The following NOTCH2 variants were observed in gnomAD, a reference collection of about 807,000 sequenced individuals.
NOTCH2 encodes the protein notch receptor 2.
NOTCH2 carries 29 observed loss-of-function variants against 235.8 expected under a neutral mutation model. The ratio of observed to expected loss-of-function variants is 0.12; its 90% confidence interval spans 0.09 to 0.17. The LOEUF is 0.17. Among genes scored for constraint, NOTCH2 ranks in the 10% least tolerant of loss-of-function variants. The pLI, the probability that NOTCH2 is intolerant of heterozygous loss-of-function variation, is 1.00. For missense variants in NOTCH2, 2,285 were observed against 3,150.2 expected, an observed-to-expected ratio of 0.73 and a Z score of 6.57; for synonymous variants, 1,086 against 1,141.5, an observed-to-expected ratio of 0.95 and a Z score of 0.98.
chr1:119,935,308 G>A, intron 22 of NOTCH2, 164 bp downstream of exon 22: 1 of 1,571,898 alleles, frequency 6.4e-7, no homozygotes, highest in Admixed American at 1.7e-5. Flanking sequence ...GCTAGCAAGA[G>A]ATGGGAGAAT....
chr1:119,920,192 A>C (rs776529670), intron 30 of NOTCH2, 37 bp downstream of exon 30: 1 of 1,609,864 alleles, frequency 6.2e-7, no homozygotes. Flanking sequence ...ATGGGCAGAC[A>C]CAGCCCAGTG....
chr1:119,913,086 C>T lies in NOTCH2; in HGVS notation c.*2220G>A. On this transcript the variant is annotated 3_prime_UTR_variant, in exon 34 of 34. Transcript: ENST00000256646. Reference sequence around the variant, plus strand: ...AGGTACGCTGTGGTCCACAGAGGTCCATGCAGATAGGTTCTCCCCATCTGT... The same window carrying T: ...AGGTACGCTGTGGTCCACAGAGGTCTATGCAGATAGGTTCTCCCCATCTGT... The T allele has an allele frequency of 4.3e-6, 1 of 233,316 alleles. No individual in the cohort carries two copies. The highest frequency in any genetic ancestry group is 8.5e-6 in the Non-Finnish European group (1 of 118,084). The allele number at this position is 233,316 out of a possible 1,614,324, so 14.5% of individuals were successfully genotyped here.
In NOTCH2 at chr1:120,048,445, CTTT is replaced by C. The variant is rs782527466; in HGVS notation, c.74-18461_74-18459del. The stretch of plus-strand genomic sequence containing the variant: ...TGGCAATTAGACAGGCCCAATACCA[CTTT>C]TTTTTTTTTTTTTTTTTGGAGACAG... On this transcript the variant is annotated intron_variant, in intron 1 of 33. Transcript: ENST00000256646. Among the ~76,000 whole-genome samples, 12 of 100,400 alleles carry C rather than the reference CTTT, an allele frequency of 1.2e-4. 1 individual carries two copies. Among genetic ancestry groups the C allele is most frequent in the African/African-American group, 4.7e-4 (7 of 14,740 alleles). The allele number at this position is 100,400 out of a possible 152,430, so 65.9% of individuals were successfully genotyped here. A position where few individuals can be genotyped will look rare whatever the true frequency, so the allele number is the denominator to read the frequency against.
chr1:120,069,389 G>A lies in NOTCH2; in HGVS notation c.18C>T (p.Pro6=), dbSNP rs1553217940. The A allele has an allele frequency of 1.3e-6, 2 of 1,553,948 alleles. No homozygotes were observed. The highest frequency in any genetic ancestry group is 1.4e-5 in the African/African-American group (1 of 72,764). MPALR[P]ALLWALLALW... ...GCGCCAGCAGCGCCCACAGCAGAGC[G>A]GGGCGCAGGGCGGGCATCTTCTCGG... Residue 6 remains proline, a synonymous_variant, in exon 1 of 34, where the codon CCC becomes CCT. Transcript: ENST00000256646.
rs1363898650 is a variant in NOTCH2, at chr1:119,967,358, T to C, written c.1453+75A>G. 4.7e-6 allele frequency: 6 copies of C among 1,283,224 alleles called. No homozygotes were observed. The Admixed American group carries it at 8.4e-5, about 18-fold the overall frequency. 79.5% of individuals were successfully genotyped at this position (1,283,224 alleles called of 1,614,324 possible). On this transcript the variant is annotated intron_variant, in intron 8 of 33. Coordinates refer to ENST00000256646, the MANE Select transcript of NOTCH2 (RefSeq NM_024408.4). ...CAGAGCTCATCAGACTGCAATAGTATACTGAATGCTCTACCAAGAGAAGTT... is the reference window on the plus strand; with the variant it reads ...CAGAGCTCATCAGACTGCAATAGTACACTGAATGCTCTACCAAGAGAAGTT...
chr1:119,930,043 T>G (rs769845747), intron 22 of NOTCH2, among the ~76,000 whole-genome samples: 91 of 152,360 alleles, frequency 6.0e-4, no homozygotes, highest in Non-Finnish European at 1.1e-3. Context: ...AGGTGCAGGT[T>G]TGGAGCCTAG....
chr1:119,937,324 G>A lies in NOTCH2; in HGVS notation c.3480C>T (p.His1160=), dbSNP rs781935782. 5.6e-6 allele frequency: 9 copies of A among 1,613,976 alleles called. No homozygotes were observed. Among genetic ancestry groups the A allele is most frequent in the South Asian group, 3.3e-5 (3 of 91,070 alleles). Residue 1160 remains histidine, a synonymous_variant, in exon 21 of 34, where the codon CAC becomes CAT. Coordinates refer to ENST00000256646, the MANE Select transcript of NOTCH2 (RefSeq NM_024408.4). ...CAATGAAGTCACTGCATGTTGCCCC[G>A]TGCTGGCAGGGGTTGGACGCACACT... ...LDECASNPCQ[H]GATCSDFIGG... is the part of the protein sequence containing the mutation.
rs1649570312 is a variant in NOTCH2 at position 119,929,192 on chromosome 1, T to C, written c.3676A>G (p.Ile1226Val). The C allele has an allele frequency of 6.2e-7, 1 of 1,613,998 alleles. No homozygotes were observed. Among genetic ancestry groups the C allele is most frequent in the Non-Finnish European group, 8.5e-7 (1 of 1,179,932 alleles). ...GTRGLLCEEN[I>V]DDCARGPHCL... ...TGGGGACCCCGGGCACAGTCATCAA[T>C]GTTCTCTTCACAGAGTAGGCCTGGA... Residue 1226 changes from isoleucine (I) to valine (V), a missense_variant, in exon 23 of 34, where the codon ATT becomes GTT. By Grantham distance (29) the Ile-to-Val change is conservative (BLOSUM62 3). This residue lies in a region of NOTCH2 where 1,173 missense variants were observed against 1,515.3 expected (regional missense o/e 0.77). Transcript: ENST00000256646.
Position 119,914,919 on chromosome 1 carries a change from C to G in NOTCH2, c.*387G>C. 2.6e-6 allele frequency: 1 copy of G among 380,996 alleles called. No individual in the cohort carries two copies. The highest frequency in any genetic ancestry group is 4.9e-6 in the Non-Finnish European group (1 of 205,564). The allele number at this position is 380,996 out of a possible 1,614,324, so 23.6% of individuals were successfully genotyped here. On this transcript the variant is annotated 3_prime_UTR_variant, in exon 34 of 34. Transcript: ENST00000256646. The stretch of plus-strand genomic sequence containing the variant: ...CAGAATTCCAGGGCATAATTCCCAA[C>G]AGGACGCTAGTGTAGAATCTTCTCA...
At position 120,058,670 on chromosome 1, in the gene NOTCH2, A is replaced by C. The variant is rs370645663; in HGVS notation, c.73+10664T>G. 4.1e-5 allele frequency among the ~76,000 whole-genome samples: 6 copies of C among 146,086 alleles called. 1 individual carries two copies. Among genetic ancestry groups the C allele is most frequent in the East Asian group, 1.9e-4 (1 of 5,136 alleles). On this transcript the variant is annotated intron_variant, in intron 1 of 33. Transcript: ENST00000256646. ...GTGTAAGAATACTCTATAAATTATA[A>C]ATTTCCAACAGAAATGTTGGAGGTT...
At chr1:119,957,826 AT>A (rs1553198512) in intron 12 of NOTCH2, among the ~76,000 whole-genome samples, 2 of 143,744 alleles carry the variant, frequency 1.4e-5, no homozygotes, top group South Asian at 2.2e-4. Context: ...GAAGCCTTAT[AT>A]AAACACACAC....
Position 120,005,465 on chromosome 1 carries a change from G to A in NOTCH2, c.279C>T (p.Ala93=). 3.1e-6 allele frequency: 5 copies of A among 1,613,794 alleles called. No homozygotes were observed. The highest frequency in any genetic ancestry group is 4.2e-6 in the Non-Finnish European group (5 of 1,179,822). Residue 93 remains alanine, a synonymous_variant, in exon 3 of 34, where the codon GCC becomes GCT. Transcript: ENST00000256646. The stretch of plus-strand genomic sequence containing the variant: ...GGCAGTCCTCTCCTGTAAACCCTGA[G>A]GCACATCGGCACGTGGCTTTCCCCA... The part of the protein sequence containing the change: ...AMLGKATCRC[A]SGFTGEDCQY...
intron 15 of NOTCH2, chr1:119,950,512 T>C (rs1553197603): frequency 4.4e-6 from 3 of 686,252 alleles, no homozygotes; most frequent in South Asian, 3.0e-5. Context: ...TAAAGTACAA[T>C]GTAGGCAAAT....
At chr1:119,952,539 C>A (rs1424459995) in intron 14 of NOTCH2, among the ~76,000 whole-genome samples, 1 of 152,186 alleles carries the variant, frequency 6.6e-6, no homozygotes, top group African/African-American at 2.4e-5. Context: ...AGCGCACAAT[C>A]TACATCCTTC....
At chr1:119,953,416 T>C in intron 14 of NOTCH2, 127 bp downstream of exon 14, 2 of 1,017,126 alleles carry the variant, frequency 2.0e-6, no homozygotes, top group South Asian at 1.3e-5. Context: ...CTTACAAGTC[T>C]AATTGCTCAA....
intron 1 of NOTCH2, among the ~76,000 whole-genome samples, chr1:120,041,233 AGCT>A (rs1290164385): frequency 7.9e-6 from 1 of 126,470 alleles, no homozygotes; most frequent in Non-Finnish European, 1.6e-5. Context: ...TTTGATGAGG[AGCT>A]GATAATCTCA....
intron 10 of NOTCH2, among the ~76,000 whole-genome samples, chr1:119,965,129 T>C (rs1340302069): frequency 6.6e-6 from 1 of 152,164 alleles, no homozygotes; most frequent in African/African-American, 2.4e-5. Context: ...GAAGCCCCAG[T>C]GAAAAATAGC....
intron 19 of NOTCH2, among the ~76,000 whole-genome samples, chr1:119,939,716 A>C (rs587601636): frequency 6.6e-6 from 1 of 151,248 alleles, no homozygotes; most frequent in African/African-American, 2.4e-5. Context: ...GGAGTGCTTC[A>C]CCAGCACTGC....
At chr1:119,981,943 TAA>T (rs377566149) in intron 5 of NOTCH2, among the ~76,000 whole-genome samples, 4 of 141,598 alleles carry the variant, frequency 2.8e-5, no homozygotes, top group Admixed American at 7.0e-5. Flanking sequence ...CCTATAGTCC[TAA>T]AAAAAAAAAA....
Sources: gnomAD v4.1 joint callset for allele counts (sites outside exome capture counted in the v4.1 genomes callset) on GRCh38, gnomAD v4.1.1 for gene constraint, gnomAD v4.1.1 regional missense constraint, MANE v1.5 for transcripts, NCBI Gene and HGNC (gene_info 2026-07-23, HGNC 2026-07-21) for gene names.